LRRC4C: variants seen among roughly 807,000 people sequenced by gnomAD.
LRRC4C encodes leucine rich repeat containing 4C.
Under a neutral mutation model 33.6 loss-of-function variants are expected in LRRC4C, and 5 were observed. That is an observed-to-expected ratio of 0.15 (90% CI 0.08 to 0.31). The LOEUF (loss-of-function observed/expected upper bound fraction) is 0.31. Among genes scored for constraint, LRRC4C ranks in the 10% least tolerant of loss-of-function variants. The probability of loss-of-function intolerance (pLI) is 1.00; values close to 1 mark genes in which losing one functional copy is unlikely to be tolerated. For synonymous variants in LRRC4C, 329 were observed against 302.0 expected (o/e 1.09, Z -0.93); for missense variants, 560 against 796.7 (o/e 0.70, Z 3.58).
intron 2 of LRRC4C, among the ~76,000 whole-genome samples, chr11:40,726,798 GA>G (rs200455733): frequency 1.1e-4 from 17 of 150,006 alleles, no homozygotes; most frequent in East Asian, 7.8e-4. Flanking sequence ...ATCCAAATAG[GA>G]AAAAAAAAGT....
intron 2 of LRRC4C, among the ~76,000 whole-genome samples, chr11:40,864,439 T>C (rs1325234242): frequency 6.6e-6 from 1 of 152,182 alleles, no homozygotes; most frequent in Non-Finnish European, 1.5e-5. Context: ...ATCCCTTACA[T>C]ACTACACTTG....
intron 2 of LRRC4C, among the ~76,000 whole-genome samples, chr11:40,896,699 T>G (rs1955956600): frequency 6.6e-6 from 1 of 151,954 alleles, no homozygotes; most frequent in Admixed American, 6.6e-5. Context: ...ATGTATATAT[T>G]AATACAGCTA....
chr11:41,103,553 A>C (rs1002741396), intron 1 of LRRC4C, among the ~76,000 whole-genome samples: 8 of 151,282 alleles, frequency 5.3e-5, no homozygotes, highest in African/African-American at 2.0e-4. Flanking sequence ...CATAGAAATG[A>C]GTACGACAGA....
At chr11:40,670,336 C>A (rs2136268354) in intron 2 of LRRC4C, among the ~76,000 whole-genome samples, 1 of 152,256 alleles carries the variant, frequency 6.6e-6, no homozygotes, top group South Asian at 2.1e-4. Flanking sequence ...TGAAGTGACC[C>A]AATACAGTAA....
intron 1 of LRRC4C, among the ~76,000 whole-genome samples, chr11:40,972,064 G>A (rs1432601703): frequency 1.3e-5 from 2 of 151,780 alleles, no homozygotes; most frequent in East Asian, 3.9e-4. Context: ...TCTTAAATGA[G>A]ACTTTGGACT....
chr11:41,040,940 C>G (rs1294252632), intron 1 of LRRC4C, among the ~76,000 whole-genome samples: 1 of 152,094 alleles, frequency 6.6e-6, no homozygotes, highest in Non-Finnish European at 1.5e-5. Context: ...CAGAACAGTT[C>G]TATCTATATT....
chr11:40,200,471 C>A (rs1395677869), intron 5 of LRRC4C, among the ~76,000 whole-genome samples: 1 of 151,882 alleles, frequency 6.6e-6, no homozygotes, highest in Admixed American at 6.6e-5. Flanking sequence ...AAAGGTAATT[C>A]TCTGACTTTC....
chr11:40,682,863 A>C (rs758775009), intron 2 of LRRC4C, among the ~76,000 whole-genome samples: 12 of 152,236 alleles, frequency 7.9e-5, no homozygotes, highest in Non-Finnish European at 1.5e-4. Flanking sequence ...TAGAGTGATC[A>C]ACAAATATTT....
intron 3 of LRRC4C, among the ~76,000 whole-genome samples, chr11:40,430,780 A>G (rs1461734059): frequency 1.3e-5 from 2 of 152,054 alleles, no homozygotes; most frequent in Admixed American, 6.5e-5. Flanking sequence ...TTATTAAATG[A>G]GTTCATGTCC....
chr11:41,336,501 A>T (rs1157745750), intron 1 of LRRC4C, among the ~76,000 whole-genome samples: 1 of 152,172 alleles, frequency 6.6e-6, no homozygotes, highest in Non-Finnish European at 1.5e-5. Context: ...TAGTAGAAAG[A>T]AGCAAACTAG....
At chr11:41,026,851 C>T (rs1240200167) in intron 1 of LRRC4C, among the ~76,000 whole-genome samples, 1 of 151,440 alleles carries the variant, frequency 6.6e-6, no homozygotes, top group Non-Finnish European at 1.5e-5. Flanking sequence ...CAGAATGTTA[C>T]TGCACACTTA....
At chr11:40,424,081 C>T (rs944302643) in intron 3 of LRRC4C, among the ~76,000 whole-genome samples, 2 of 152,060 alleles carry the variant, frequency 1.3e-5, no homozygotes, top group South Asian at 2.1e-4. Context: ...GTGGGCTTCA[C>T]AAAGCAGGAA....
At chr11:41,049,306 C>A (rs1858030615) in intron 1 of LRRC4C, among the ~76,000 whole-genome samples, 1 of 152,162 alleles carries the variant, frequency 6.6e-6, no homozygotes, top group Non-Finnish European at 1.5e-5. Context: ...TAAAACATGA[C>A]TTTTGTCTTC....
intron 2 of LRRC4C, among the ~76,000 whole-genome samples, chr11:40,727,783 T>C (rs1167919282): frequency 6.6e-6 from 1 of 152,020 alleles, no homozygotes; most frequent in Non-Finnish European, 1.5e-5. Flanking sequence ...GTGCGATGAC[T>C]CACACCTGTA....
At chr11:40,342,797 C>G (rs201355582) in intron 3 of LRRC4C, among the ~76,000 whole-genome samples, 4 of 152,082 alleles carry the variant, frequency 2.6e-5, no homozygotes, top group Admixed American at 6.6e-5. Flanking sequence ...ACTGTCTATT[C>G]TACTACCCCA....
chr11:40,337,030 G>A (rs554669008), intron 3 of LRRC4C, among the ~76,000 whole-genome samples: 8 of 150,874 alleles, frequency 5.3e-5, no homozygotes, highest in African/African-American at 2.0e-4. Flanking sequence ...AAAGGGAGTG[G>A]AGGAGAGTGG....
chr11:40,761,512 T>C (rs916251745), intron 2 of LRRC4C, among the ~76,000 whole-genome samples: 2 of 152,088 alleles, frequency 1.3e-5, no homozygotes, highest in African/African-American at 4.8e-5. Context: ...AATGTCGAAA[T>C]TGGTTACACA....
chr11:40,466,884 A>G (rs974472336), intron 3 of LRRC4C, among the ~76,000 whole-genome samples: 2 of 152,076 alleles, frequency 1.3e-5, no homozygotes, highest in Non-Finnish European at 2.9e-5. Flanking sequence ...TTAAACCACA[A>G]TGTTTTCAAG....
intron 1 of LRRC4C, among the ~76,000 whole-genome samples, chr11:41,371,654 A>T (rs1313873367): frequency 6.6e-6 from 1 of 152,256 alleles, no homozygotes; most frequent in Non-Finnish European, 1.5e-5. Flanking sequence ...CTTGAAAGAC[A>T]GTTCTTCTAA....
Sources: allele counts gnomAD v4.1 joint callset (sites outside exome capture counted in the v4.1 genomes callset), GRCh38; gene constraint gnomAD v4.1.1; transcripts MANE v1.5; gene names NCBI Gene and HGNC (gene_info 2026-07-23, HGNC 2026-07-21).